Variants in SYT14 observed in about 807,000 individuals in gnomAD.
SYT14 encodes the protein synaptotagmin 14.
SYT14 carries 32 observed loss-of-function variants against 74.2 expected under a neutral mutation model. The ratio of observed to expected loss-of-function variants is 0.43; its 90% CI spans 0.33 to 0.58. The LOEUF (loss-of-function observed/expected upper bound fraction) is 0.58. SYT14 is among the 20% of genes least tolerant of loss of function. The probability of loss-of-function intolerance (pLI) is 0.05; values close to 1 mark genes in which losing one functional copy is unlikely to be tolerated. For missense variants in SYT14, 791 were observed against 981.8 expected (o/e 0.81, Z 2.60); for synonymous variants, 298 against 337.7 (o/e 0.88, Z 1.29).
intron 7 of SYT14, among the ~76,000 whole-genome samples, chr1:210,119,050 G>GA (rs1261714907): frequency 6.6e-6 from 1 of 152,146 alleles, no homozygotes; most frequent in Admixed American, 6.5e-5. Context: ...TGCTTCATTT[G>GA]AAAAATGTTT....
intron 5 of SYT14, among the ~76,000 whole-genome samples, chr1:210,026,555 C>G (rs1053715086): frequency 6.6e-6 from 1 of 150,986 alleles, no homozygotes; most frequent in Non-Finnish European, 1.5e-5. Context: ...TAATGTAAAA[C>G]CCACTGAAAA....
At chr1:209,948,337 C>G (rs750645741) in intron 1 of SYT14, among the ~76,000 whole-genome samples, 12 of 152,296 alleles carry the variant, frequency 7.9e-5, no homozygotes, top group Non-Finnish European at 1.2e-4. Flanking sequence ...CATACACAAA[C>G]ACACATGCAC....
chr1:210,009,527 A>T (rs2080047867), intron 2 of SYT14, among the ~76,000 whole-genome samples: 1 of 151,926 alleles, frequency 6.6e-6, no homozygotes, highest in South Asian at 2.1e-4. Flanking sequence ...AATTTGTCTG[A>T]AGCTTTAGTA....
chr1:210,149,241 A>G (rs143959390), intron 7 of SYT14, among the ~76,000 whole-genome samples: 2,555 of 144,632 alleles, frequency 0.018, 86 homozygotes, highest in African/African-American at 0.06. Context: ...CTGGAGTACA[A>G]TGGCATGATG....
At chr1:210,016,806 A>G (rs1224534207) in exon 4 of SYT14, 3 of 1,231,724 alleles carry the variant, frequency 2.4e-6, no homozygotes, top group Non-Finnish European at 3.0e-6. Context: ...AAATGTGTTA[A>G]AAGTAAAGCA....
chr1:209,994,497 G>A (rs530544719), intron 2 of SYT14, among the ~76,000 whole-genome samples: 14 of 152,254 alleles, frequency 9.2e-5, no homozygotes, highest in Non-Finnish European at 4.4e-5. Context: ...ATTATGTAAA[G>A]TGATTAAATC....
At position 209,943,662 on chromosome 1, in the gene SYT14, C is replaced by T. The variant is rs114974430; in HGVS notation, c.-534+5385C>T. On this transcript the variant is annotated intron_variant, in intron 1 of 9. Coordinates refer to ENST00000637265, the Ensembl canonical transcript of SYT14. ...TCAGTTTATTTGAAAATATTATGTT[C>T]GCACATAGTATATGTGTGGTAGTAT... Among the ~76,000 whole-genome samples the T allele has an allele frequency of 5.9e-3, 901 of 151,770 alleles. 5 individuals are homozygous for T. The highest frequency in any genetic ancestry group is 0.018 in the African/African-American group (729 of 41,354).
intron 2 of SYT14, among the ~76,000 whole-genome samples, chr1:209,975,768 C>T (rs2079350230): frequency 1.3e-5 from 2 of 152,150 alleles, no homozygotes; most frequent in African/African-American, 2.4e-5. Context: ...GGAATAGTTT[C>T]AGAAGGAATG....
chr1:210,069,926 T>C (rs149713752), intron 5 of SYT14, among the ~76,000 whole-genome samples: 1 of 151,994 alleles, frequency 6.6e-6, no homozygotes, highest in African/African-American at 2.4e-5. Flanking sequence ...GGAAATAACC[T>C]CAGGAAAGAT....
intron 5 of SYT14, among the ~76,000 whole-genome samples, chr1:210,037,348 A>G (rs951915774): frequency 3.3e-5 from 5 of 151,946 alleles, no homozygotes; most frequent in African/African-American, 7.2e-5. Flanking sequence ...GTAGCAGCCT[A>G]TCAATTTTGA....
intron 5 of SYT14, among the ~76,000 whole-genome samples, chr1:210,070,879 C>T (rs1198927457): frequency 6.7e-6 from 1 of 149,848 alleles, no homozygotes; most frequent in African/African-American, 2.5e-5. Flanking sequence ...CTCTGCTAGT[C>T]AGCTCAATTC....
chr1:209,961,725 A>G (rs992949366), intron 2 of SYT14, among the ~76,000 whole-genome samples: 9 of 151,928 alleles, frequency 5.9e-5, no homozygotes, highest in Non-Finnish European at 1.3e-4. Context: ...GATGAATCAG[A>G]TGTATTTTTT....
At chr1:210,125,970 C>T (rs1313499968) in intron 7 of SYT14, among the ~76,000 whole-genome samples, 2 of 152,026 alleles carry the variant, frequency 1.3e-5, no homozygotes, top group Non-Finnish European at 2.9e-5. Flanking sequence ...TTTGGGAGGC[C>T]GAGGAGGGCA....
exon 4 of SYT14, chr1:210,017,099 G>A: frequency 8.1e-7 from 1 of 1,231,364 alleles, no homozygotes; most frequent in East Asian, 3.2e-5. Flanking sequence ...ACCAGAAAAA[G>A]GTGAGGTCTC....
At chr1:210,029,702 C>T (rs1259352109) in intron 5 of SYT14, among the ~76,000 whole-genome samples, 1 of 152,086 alleles carries the variant, frequency 6.6e-6, no homozygotes, top group Non-Finnish European at 1.5e-5. Context: ...TTGAGTCCTC[C>T]AGCTATGTTT....
At chr1:210,018,416 A>G (rs2080232995) in intron 4 of SYT14, among the ~76,000 whole-genome samples, 1 of 152,176 alleles carries the variant, frequency 6.6e-6, no homozygotes, top group Non-Finnish European at 1.5e-5. Flanking sequence ...TACAGGTGTG[A>G]GCCACTGTGC....
intron 7 of SYT14, among the ~76,000 whole-genome samples, chr1:210,109,216 G>T (rs2082214408): frequency 6.6e-6 from 1 of 152,106 alleles, no homozygotes; most frequent in South Asian, 2.1e-4. Flanking sequence ...TCATTACTAG[G>T]CATTAGAGAA....
chr1:210,090,253 T>C (rs1296357479), intron 5 of SYT14, among the ~76,000 whole-genome samples: 1 of 152,226 alleles, frequency 6.6e-6, no homozygotes, highest in Non-Finnish European at 1.5e-5. Context: ...CTTCGGACTT[T>C]ATTCTCCTGC....
chr1:210,074,112 AT>A (rs1377919557), intron 5 of SYT14, among the ~76,000 whole-genome samples: 3 of 152,120 alleles, frequency 2.0e-5, no homozygotes, highest in African/African-American at 4.8e-5. Flanking sequence ...TACAAATCTA[AT>A]TTATCTATCC....
Sources: gnomAD v4.1 joint callset for allele counts (sites outside exome capture counted in the v4.1 genomes callset) on GRCh38, gnomAD v4.1.1 for gene constraint, MANE v1.5 for transcripts, NCBI Gene and HGNC (gene_info 2026-07-23, HGNC 2026-07-21) for gene names.